SEMA5A: variants seen among roughly 807,000 people sequenced by gnomAD.
SEMA5A encodes the protein semaphorin 5A, also known as semaphorin-5A.
In SEMA5A, 55 loss-of-function variants were observed where a neutral mutation model predicts 135.5. That is an observed-to-expected ratio of 0.41 (90% CI 0.33 to 0.51). SEMA5A has a LOEUF of 0.51. Ranked by LOEUF, SEMA5A falls within the 20% of genes least tolerant of loss-of-function variation. The pLI is 0.37. For synonymous variants in SEMA5A, 580 were observed against 546.5 expected, an observed-to-expected ratio of 1.06 and a Z score of -0.85; for missense variants, 1,290 against 1,419.9, an observed-to-expected ratio of 0.91 and a Z score of 1.47.
At chr5:9,387,285 C>T (rs1021136167) in intron 2 of SEMA5A, among the ~76,000 whole-genome samples, 2 of 152,078 alleles carry the variant, frequency 1.3e-5, no homozygotes, top group South Asian at 2.1e-4. Context: ...GCAGTGTCTT[C>T]GGGGTATCCT....
At chr5:9,215,816 T>A (rs1746586894) in intron 8 of SEMA5A, among the ~76,000 whole-genome samples, 1 of 150,962 alleles carries the variant, frequency 6.6e-6, no homozygotes, top group South Asian at 2.1e-4. Context: ...TAGTGGCCTA[T>A]CTTATTTTTT....
chr5:9,387,999 AG>A (rs1755971969), intron 2 of SEMA5A, among the ~76,000 whole-genome samples: 1 of 152,172 alleles, frequency 6.6e-6, no homozygotes, highest in Admixed American at 6.5e-5. Flanking sequence ...TAAATGAATT[AG>A]GGAAACATCT....
chr5:9,139,291 T>G (rs760436834), intron 12 of SEMA5A, among the ~76,000 whole-genome samples: 5 of 152,142 alleles, frequency 3.3e-5, no homozygotes, highest in Non-Finnish European at 7.3e-5. Context: ...TTTGTATGGG[T>G]TTTCTATATG....
At chr5:9,214,081 CA>C (rs1302613885) in intron 8 of SEMA5A, among the ~76,000 whole-genome samples, 1 of 152,116 alleles carries the variant, frequency 6.6e-6, no homozygotes, top group African/African-American at 2.4e-5. Context: ...CAGAATTAGC[CA>C]GGAGGCAAAA....
intron 12 of SEMA5A, among the ~76,000 whole-genome samples, chr5:9,153,389 A>C (rs1269394266): frequency 6.6e-6 from 1 of 152,156 alleles, no homozygotes; most frequent in African/African-American, 2.4e-5. Context: ...GTACTTTTTC[A>C]TTTCCTAAGT....
intron 12 of SEMA5A, 50 bp from the exon 13 acceptor site, chr5:9,136,671 A>G (rs372488239): frequency 6.8e-6 from 10 of 1,464,556 alleles, no homozygotes; most frequent in Non-Finnish European, 9.6e-6. Context: ...TACCCATGAT[A>G]AGATACACAA....
intron 1 of SEMA5A, among the ~76,000 whole-genome samples, chr5:9,530,518 C>T (rs899409863): frequency 3.3e-5 from 5 of 151,950 alleles, no homozygotes; most frequent in African/African-American, 1.2e-4. Flanking sequence ...CAAAATGTAT[C>T]CCCAAACCAG....
At chr5:9,241,326 T>A (rs1030198576) in intron 5 of SEMA5A, among the ~76,000 whole-genome samples, 2 of 152,000 alleles carry the variant, frequency 1.3e-5, no homozygotes, top group African/African-American at 2.4e-5. Flanking sequence ...CAGAAGACAC[T>A]CTTCTATGTG....
intron 5 of SEMA5A, among the ~76,000 whole-genome samples, chr5:9,275,436 T>A (rs1187049056): frequency 1.3e-5 from 2 of 152,232 alleles, no homozygotes; most frequent in African/African-American, 4.8e-5. Flanking sequence ...CTTCTAAAAC[T>A]ATTCAAAACA....
intron 11 of SEMA5A, among the ~76,000 whole-genome samples, chr5:9,171,118 A>G (rs1179076723): frequency 6.6e-6 from 1 of 152,232 alleles, no homozygotes; most frequent in African/African-American, 2.4e-5. Flanking sequence ...ACCTCCATCA[A>G]TCCTTCCTTG....
At position 9,038,210 on chromosome 5, in the gene SEMA5A, T is replaced by C. The variant is rs1735758518; in HGVS notation, c.*4687A>G. ...TCATAAGTGGTGAAGAATTTGCATA[T>C]AGTTAAGGTTATTAGTACCGTCATA... On this transcript the variant is annotated 3_prime_UTR_variant, in exon 23 of 23. Coordinates refer to ENST00000382496, the MANE Select transcript of SEMA5A (RefSeq NM_003966.3). The C allele has an allele frequency of 6.6e-6, 1 of 152,180 alleles. No individual in the cohort carries two copies. The highest frequency in any genetic ancestry group is 1.5e-5 in the Non-Finnish European group (1 of 68,028). The allele number at this position is 152,180 out of a possible 1,614,324, so 9.4% of individuals were successfully genotyped here.
At chr5:9,278,113 T>TA (rs58789253) in intron 5 of SEMA5A, among the ~76,000 whole-genome samples, 359 of 143,364 alleles carry the variant, frequency 2.5e-3, no homozygotes, top group African/African-American at 7.2e-3. Context: ...CATGTAAACT[T>TA]AAAAAAAAAA....
intron 1 of SEMA5A, among the ~76,000 whole-genome samples, chr5:9,445,391 C>T (rs529035683): frequency 1.4e-3 from 218 of 151,832 alleles, no homozygotes; most frequent in African/African-American, 3.3e-3. Context: ...AAAAGTGGGC[C>T]GGGCACGGTG....
chr5:9,439,507 G>A (rs1758155895), intron 1 of SEMA5A, among the ~76,000 whole-genome samples: 1 of 152,164 alleles, frequency 6.6e-6, no homozygotes, highest in African/African-American at 2.4e-5. Context: ...AAGTTCCCAT[G>A]TCTCAGAACT....
Position 9,379,814 on chromosome 5 carries a change from G to C in SEMA5A, c.124+9C>G, listed in dbSNP as rs1429520011. On this transcript the variant is annotated intron_variant, in intron 3 of 22. Coordinates refer to ENST00000382496, the MANE Select transcript of SEMA5A (RefSeq NM_003966.3). ...ACGGCTTTGCAATCAGTGCGTGCTG[G>C]TTCCTTACCTTTATAGGAGATGACT... 9.3e-6 allele frequency: 15 copies of C among 1,613,330 alleles called. No homozygotes were observed. Among genetic ancestry groups the C allele is most frequent in the Non-Finnish European group, 1.2e-5 (14 of 1,179,794 alleles).
chr5:9,047,593 C>T (rs550797473), intron 21 of SEMA5A, among the ~76,000 whole-genome samples: 37 of 152,256 alleles, frequency 2.4e-4, no homozygotes, highest in African/African-American at 8.9e-4. Flanking sequence ...ACCAACTACC[C>T]TGTTGGTTCA....
Position 9,226,942 on chromosome 5 carries a change from A to G in SEMA5A, c.359T>C (p.Val120Ala). ...TAACCGGTCGCCACCCACCAGAAGC[A>G]CCCGGATGTAGTTCTGACATTCCTC... The part of the protein sequence containing the change: ...SKEECQNYIR[V>A]LLVGGDRLFT... The change falls in exon 7 of 23, where the codon GTG becomes GCG. Residue 120 changes from valine (V) to alanine (A), a missense_variant. Physicochemically the swap from Val to Ala is moderately conservative, Grantham distance 64. This residue lies in a region of SEMA5A where 145 missense variants were observed against 212.0 expected (regional missense o/e 0.68). Coordinates refer to ENST00000382496, the MANE Select transcript of SEMA5A (RefSeq NM_003966.3). 6.4e-7 allele frequency: 1 copy of G among 1,565,024 alleles called. No homozygotes were observed. Among genetic ancestry groups the G allele is most frequent in the Non-Finnish European group, 8.7e-7 (1 of 1,152,934 alleles).
At chr5:9,421,887 T>G (rs1281361601) in intron 2 of SEMA5A, among the ~76,000 whole-genome samples, 1 of 152,234 alleles carries the variant, frequency 6.6e-6, no homozygotes, top group East Asian at 1.9e-4. Context: ...TAAGAGCTCT[T>G]TGTATATTAG....
intron 2 of SEMA5A, among the ~76,000 whole-genome samples, chr5:9,415,485 GAATTT>G (rs772402417): frequency 2.0e-5 from 3 of 152,100 alleles, no homozygotes; most frequent in Non-Finnish European, 2.9e-5. Context: ...ATGCTTAGGG[GAATTT>G]AATTTAATTC....
Sources: allele counts gnomAD v4.1 joint callset (sites outside exome capture counted in the v4.1 genomes callset), GRCh38; gene constraint gnomAD v4.1.1; regional missense constraint gnomAD v4.1.1; transcripts MANE v1.5; gene names NCBI Gene and HGNC (gene_info 2026-07-23, HGNC 2026-07-21).